The following FHIT variants were observed in gnomAD, a reference collection of about 807,000 sequenced individuals.
FHIT encodes fragile histidine triad diadenosine triphosphatase.
Under a neutral mutation model 17.9 loss-of-function variants are expected in FHIT, and 19 were observed. The ratio of observed to expected loss-of-function variants is 1.06; its 90% CI spans 0.74 to 1.56. The LOEUF (loss-of-function observed/expected upper bound fraction) is 1.56. Ranked by LOEUF, FHIT falls within the 40% of genes most tolerant of loss-of-function variation. The pLI, the probability that FHIT is intolerant of heterozygous loss-of-function variation, is 0.00. For synonymous variants in FHIT, 81 were observed against 69.7 expected (o/e 1.16, Z -0.81); for missense variants, 248 against 189.2 (o/e 1.31, Z -1.82).
At chr3:59,909,601 AT>A (rs1205517051) in intron 8 of FHIT, among the ~76,000 whole-genome samples, 2 of 151,414 alleles carry the variant, frequency 1.3e-5, no homozygotes, top group African/African-American at 4.9e-5. Context: ...GAGTATCTTT[AT>A]TTTTTTTTCT....
chr3:60,373,922 G>A (rs1700438909), intron 5 of FHIT, among the ~76,000 whole-genome samples: 1 of 152,172 alleles, frequency 6.6e-6, no homozygotes, highest in Admixed American at 6.5e-5. Flanking sequence ...TGGTGGTTCA[G>A]GAAGTAGAGA....
intron 5 of FHIT, among the ~76,000 whole-genome samples, chr3:60,296,685 T>C (rs974588674): frequency 1.3e-5 from 2 of 152,098 alleles, no homozygotes; most frequent in Non-Finnish European, 1.5e-5. Context: ...TTTCCTTTTA[T>C]GGCTCATGCA....
chr3:60,937,003 A>G (rs1339839803), intron 3 of FHIT, among the ~76,000 whole-genome samples: 1 of 19,670 alleles, frequency 5.1e-5, no homozygotes, highest in African/African-American at 5.5e-5. Context: ...ACACTTTGTG[A>G]GCTGAAGTCT....
intron 4 of FHIT, among the ~76,000 whole-genome samples, chr3:60,653,808 G>A (rs1207272743): frequency 6.6e-6 from 1 of 152,122 alleles, no homozygotes; most frequent in African/African-American, 2.4e-5. Context: ...TCTTTTGAGG[G>A]CAAAATAAAA....
chr3:61,149,867 C>CA lies in FHIT; in HGVS notation c.-164+50749dup, dbSNP rs577994250. Among the ~76,000 whole-genome samples, 41 of 151,964 alleles carry CA rather than the reference C, an allele frequency of 2.7e-4. No individual in the cohort carries two copies. The South Asian group carries it at 6.5e-3, about 24-fold the overall frequency. On this transcript the variant is annotated intron_variant, in intron 2 of 9. Transcript: ENST00000492590. ...TGCACTGCAGCCTGAGACCCTATCT[C>CA]AAAAAAATGTATATATAAAAAAATG...
At chr3:60,076,507 C>A (rs1273340508) in intron 5 of FHIT, among the ~76,000 whole-genome samples, 2 of 152,044 alleles carry the variant, frequency 1.3e-5, no homozygotes, top group African/African-American at 2.4e-5. Context: ...AAACTAAGAG[C>A]TTTCAGAAGG....
intron 8 of FHIT, among the ~76,000 whole-genome samples, chr3:59,918,607 C>G (rs997691915): frequency 1.1e-4 from 17 of 152,138 alleles, no homozygotes; most frequent in African/African-American, 1.9e-4. Flanking sequence ...GTATACCAGA[C>G]AGAAGATCCT....
At chr3:60,707,998 T>C (rs556818709) in intron 4 of FHIT, among the ~76,000 whole-genome samples, 2 of 152,340 alleles carry the variant, frequency 1.3e-5, no homozygotes, top group East Asian at 1.9e-4. Context: ...TTTGTCAGCA[T>C]TTTAGTTGAT....
chr3:60,493,962 G>GT (rs1371202620), intron 5 of FHIT, among the ~76,000 whole-genome samples: 1 of 152,040 alleles, frequency 6.6e-6, no homozygotes, highest in Non-Finnish European at 1.5e-5. Flanking sequence ...ATGCTTTGTA[G>GT]TTTTTTCAGA....
intron 2 of FHIT, among the ~76,000 whole-genome samples, chr3:61,112,455 G>A (rs1395711398): frequency 6.6e-6 from 1 of 152,008 alleles, no homozygotes; most frequent in Non-Finnish European, 1.5e-5. Context: ...GAAGGCCAAT[G>A]ACAATATATT....
intron 2 of FHIT, among the ~76,000 whole-genome samples, chr3:61,090,310 G>A (rs941710358): frequency 3.9e-4 from 60 of 152,138 alleles, no homozygotes; most frequent in African/African-American, 1.4e-3. Context: ...AAGAACCCAT[G>A]TTTATGACCA....
intron 2 of FHIT, among the ~76,000 whole-genome samples, chr3:61,071,933 G>A (rs1017473980): frequency 6.6e-6 from 1 of 152,074 alleles, no homozygotes; most frequent in Admixed American, 6.6e-5. Flanking sequence ...ACTGATTTGT[G>A]AGCTAAACAG....
At chr3:60,405,053 G>A (rs1701800773) in intron 5 of FHIT, among the ~76,000 whole-genome samples, 1 of 152,136 alleles carries the variant, frequency 6.6e-6, no homozygotes, top group African/African-American at 2.4e-5. Context: ...TCCCACTGAT[G>A]GCCACAGGAG....
chr3:60,233,624 T>C (rs1256202813), intron 5 of FHIT, among the ~76,000 whole-genome samples: 1 of 152,200 alleles, frequency 6.6e-6, no homozygotes, highest in Non-Finnish European at 1.5e-5. Context: ...TCTTTTCTCT[T>C]AAGTCCTTTT....
intron 4 of FHIT, among the ~76,000 whole-genome samples, chr3:60,782,477 C>T (rs1254379728): frequency 6.6e-6 from 1 of 152,048 alleles, no homozygotes; most frequent in African/African-American, 2.4e-5. Context: ...GAAAAATTAA[C>T]CCTATCTTTT....
intron 5 of FHIT, among the ~76,000 whole-genome samples, chr3:60,043,868 A>G (rs1422098977): frequency 7.2e-5 from 11 of 152,334 alleles, no homozygotes; most frequent in African/African-American, 2.6e-4. Flanking sequence ...TATATGAAAC[A>G]TCAGACAGTG....
At chr3:61,022,117 A>C (rs1329600383) in intron 3 of FHIT, among the ~76,000 whole-genome samples, 1 of 152,194 alleles carries the variant, frequency 6.6e-6, no homozygotes, top group Non-Finnish European at 1.5e-5. Context: ...ATAAAGAAGA[A>C]AAGAGAGAAG....
chr3:61,207,109 G>A (rs1490021533), intron 1 of FHIT, among the ~76,000 whole-genome samples: 8 of 152,110 alleles, frequency 5.3e-5, no homozygotes, highest in African/African-American at 1.4e-4. Flanking sequence ...CTGTTTATAT[G>A]CTGGATTACG....
chr3:60,696,673 G>A (rs575274865), intron 4 of FHIT, among the ~76,000 whole-genome samples: 94 of 152,254 alleles, frequency 6.2e-4, no homozygotes, highest in Non-Finnish European at 9.3e-4. Flanking sequence ...CCGGAAGACA[G>A]TTTTTAAATG....
Sources: gnomAD v4.1 joint callset for allele counts (sites outside exome capture counted in the v4.1 genomes callset) on GRCh38, gnomAD v4.1.1 for gene constraint, MANE v1.5 for transcripts, NCBI Gene and HGNC (gene_info 2026-07-23, HGNC 2026-07-21) for gene names.